Variants in FHIT observed in about 807,000 individuals in gnomAD.
FHIT encodes bis(5'-adenosyl)-triphosphatase.
Under a neutral mutation model 17.9 loss-of-function variants are expected in FHIT, and 19 were observed. That is an observed-to-expected ratio of 1.06 (90% CI 0.74 to 1.56). The LOEUF is 1.56. Ranked by LOEUF, FHIT falls within the 40% of genes most tolerant of loss-of-function variation. The pLI is 0.00. For synonymous variants in FHIT, 81 were observed against 69.7 expected, an observed-to-expected ratio of 1.16 and a Z score of -0.81; for missense variants, 248 against 189.2, an observed-to-expected ratio of 1.31 and a Z score of -1.82.
chr3:61,093,316 T>A (rs188008041), intron 2 of FHIT, among the ~76,000 whole-genome samples: 49 of 152,176 alleles, frequency 3.2e-4, no homozygotes, highest in Middle Eastern at 3.4e-3. Context: ...AGGGAGTGAT[T>A]TTTGCTCACC....
chr3:60,492,426 C>A (rs1267380559), intron 5 of FHIT, among the ~76,000 whole-genome samples: 2 of 151,744 alleles, frequency 1.3e-5, no homozygotes, highest in Non-Finnish European at 2.9e-5. Context: ...AAATCTAGGT[C>A]ATAAATACTT....
chr3:60,474,328 A>G (rs1311497398), intron 5 of FHIT, among the ~76,000 whole-genome samples: 1 of 152,224 alleles, frequency 6.6e-6, no homozygotes, highest in Non-Finnish European at 1.5e-5. Context: ...TAATGAAAAA[A>G]TAAGCCTCAG....
intron 8 of FHIT, among the ~76,000 whole-genome samples, chr3:59,922,079 T>C (rs772796523): frequency 5.3e-5 from 8 of 152,210 alleles, no homozygotes; most frequent in Admixed American, 2.0e-4. Flanking sequence ...AAATATTTAC[T>C]GTCCTGGTAA....
At chr3:61,133,225 TC>T (rs60255883) in intron 2 of FHIT, among the ~76,000 whole-genome samples, 7,652 of 152,264 alleles carry the variant, frequency 0.05, 648 homozygotes, top group African/African-American at 0.17. Flanking sequence ...ATGCTATATT[TC>T]TGTAATAAAT....
intron 1 of FHIT, among the ~76,000 whole-genome samples, chr3:61,216,033 A>G (rs1303392094): frequency 6.6e-5 from 10 of 152,196 alleles, no homozygotes; most frequent in Admixed American, 6.5e-4. Context: ...CTAAAACCAT[A>G]AAAACCCTAG....
intron 8 of FHIT, among the ~76,000 whole-genome samples, chr3:59,754,816 G>T (rs1382691770): frequency 6.6e-6 from 1 of 152,192 alleles, no homozygotes; most frequent in African/African-American, 2.4e-5. Flanking sequence ...AAACTCTGTT[G>T]TACCTAGCTT....
chr3:59,771,201 CAATG>C (rs1190209210), intron 8 of FHIT, among the ~76,000 whole-genome samples: 1 of 152,032 alleles, frequency 6.6e-6, no homozygotes, highest in African/African-American at 2.4e-5. Flanking sequence ...GAGCACAACT[CAATG>C]AATCGAATTG....
chr3:59,753,495 A>C (rs1402010555), intron 8 of FHIT, among the ~76,000 whole-genome samples: 1 of 152,122 alleles, frequency 6.6e-6, no homozygotes, highest in Non-Finnish European at 1.5e-5. Flanking sequence ...TCCTATTATG[A>C]TTCAATTTCA....
chr3:60,595,116 T>C (rs1553665801), intron 4 of FHIT, among the ~76,000 whole-genome samples: 1 of 152,048 alleles, frequency 6.6e-6, no homozygotes, highest in Non-Finnish European at 1.5e-5. Flanking sequence ...CAGTCTGGCC[T>C]CACCAAGAAA....
At chr3:60,770,841 T>C (rs1283631047) in intron 4 of FHIT, among the ~76,000 whole-genome samples, 11 of 152,360 alleles carry the variant, frequency 7.2e-5, no homozygotes, top group African/African-American at 2.6e-4. Flanking sequence ...TTCTTCCAAA[T>C]GCCCCATATC....
intron 8 of FHIT, among the ~76,000 whole-genome samples, chr3:59,864,289 T>G (rs1423222644): frequency 1.3e-5 from 2 of 152,138 alleles, no homozygotes; most frequent in African/African-American, 4.8e-5. Context: ...CACGCTATTC[T>G]TTCGATAGTG....
intron 5 of FHIT, among the ~76,000 whole-genome samples, chr3:60,532,449 T>G (rs1003550762): frequency 2.0e-5 from 3 of 152,088 alleles, no homozygotes; most frequent in African/African-American, 7.2e-5. Flanking sequence ...GCCATAATGG[T>G]TCAAATTTAT....
At chr3:61,191,268 T>C (rs1278847282) in intron 2 of FHIT, among the ~76,000 whole-genome samples, 1 of 152,078 alleles carries the variant, frequency 6.6e-6, no homozygotes, top group African/African-American at 2.4e-5. Context: ...ATCACCCAGT[T>C]TGTTGAACAG....
In FHIT at chr3:60,732,899, A is replaced by G. The variant is rs578050227; in HGVS notation, c.-18+89020T>C. Among the ~76,000 whole-genome samples the G allele has an allele frequency of 1.1e-3, 162 of 152,012 alleles. 1 individual carries two copies. The highest frequency in any genetic ancestry group is 3.5e-3 in the African/African-American group (147 of 41,532). The stretch of plus-strand genomic sequence containing the variant: ...GAGGCGGGGTTTTGCCATGTTGGCC[A>G]GGTCTCAAACTCCTGACCTCAGGTG... On this transcript the variant is annotated intron_variant, in intron 4 of 9. Transcript: ENST00000492590.
At chr3:61,156,881 A>G (rs2107076075) in intron 2 of FHIT, among the ~76,000 whole-genome samples, 1 of 152,186 alleles carries the variant, frequency 6.6e-6, no homozygotes, top group African/African-American at 2.4e-5. Context: ...CCCTCTTTCC[A>G]CCTTACAATC....
intron 5 of FHIT, among the ~76,000 whole-genome samples, chr3:60,145,131 C>T (rs1268244104): frequency 6.7e-6 from 1 of 149,922 alleles, no homozygotes; most frequent in African/African-American, 2.5e-5. Flanking sequence ...CATATGTTCT[C>T]ACTGTTAGAT....
At chr3:60,988,912 C>CT (rs34551612) in intron 3 of FHIT, among the ~76,000 whole-genome samples, 5,243 of 80,280 alleles carry the variant, frequency 0.065, 1,091 homozygotes, top group African/African-American at 0.22. Context: ...TGTTAAAAGG[C>CT]TTTTTTTTTT....
intron 4 of FHIT, among the ~76,000 whole-genome samples, chr3:60,720,979 A>G (rs2041796595): frequency 6.6e-6 from 1 of 152,172 alleles, no homozygotes; most frequent in Non-Finnish European, 1.5e-5. Context: ...TACTGTTGGG[A>G]GGAAGTATGG....
chr3:59,775,984 A>G lies in FHIT; in HGVS notation c.349-23663T>C, dbSNP rs1033709702. ...TGATTCTCATTCTCCATGATGGAGCACATTATCCCATTAATGTTTCTGTGA... is the reference window on the plus strand; with the variant it reads ...TGATTCTCATTCTCCATGATGGAGCGCATTATCCCATTAATGTTTCTGTGA... On this transcript the variant is annotated intron_variant, in intron 8 of 9. Transcript: ENST00000492590. 2.6e-5 allele frequency among the ~76,000 whole-genome samples: 4 copies of G among 152,344 alleles called. No individual in the cohort carries two copies. The South Asian group carries it at 8.3e-4, about 32-fold the overall frequency.
Sources: gnomAD v4.1 joint callset for allele counts (sites outside exome capture counted in the v4.1 genomes callset) on GRCh38, gnomAD v4.1.1 for gene constraint, MANE v1.5 for transcripts, NCBI Gene and HGNC (gene_info 2026-07-23, HGNC 2026-07-21) for gene names.